The following CASR variants were observed in gnomAD, a reference collection of about 807,000 sequenced individuals.
The protein encoded by CASR is extracellular calcium-sensing receptor.
Under a neutral mutation model 69.1 loss-of-function variants are expected in CASR, and 23 were observed. That is an observed-to-expected ratio of 0.33 (90% CI 0.24 to 0.47). CASR has a LOEUF of 0.47. Among genes scored for constraint, CASR ranks in the 20% least tolerant of loss-of-function variants. CASR has a pLI of 1.00. For synonymous variants in CASR, 541 were observed against 544.7 expected (o/e 0.99, Z 0.10); for missense variants, 924 against 1,356.1 (o/e 0.68, Z 5.00).
At position 122,256,992 on chromosome 3, in the gene CASR, G is replaced by A. The variant is rs1013738974; in HGVS notation, c.186-89G>A. 10 of 1,080,736 alleles carry A rather than the reference G, an allele frequency of 9.3e-6. No individual in the cohort carries two copies. The East Asian group carries it at 9.5e-5, about 10-fold the overall frequency. 66.9% of individuals were successfully genotyped at this position (1,080,736 alleles called of 1,614,324 possible). A position where few individuals can be genotyped will look rare whatever the true frequency, so the allele number is the denominator to read the frequency against. ...TGAAGCCAGAGAGTAGTAACAGTTC[G>A]ATGATTCAAACCCAGCTTTGCCAGG... On this transcript the variant is annotated intron_variant, in intron 2 of 6. Coordinates refer to ENST00000639785, the MANE Select transcript of CASR (RefSeq NM_000388.4).
intron 1 of CASR, among the ~76,000 whole-genome samples, chr3:122,243,362 AG>A (rs780033954): frequency 1.2e-4 from 18 of 152,160 alleles, no homozygotes; most frequent in Non-Finnish European, 2.1e-4. Context: ...AATGGGTAAA[AG>A]ATCTGAATAG....
At chr3:122,211,695 G>A (rs1277179372) in intron 1 of CASR, among the ~76,000 whole-genome samples, 1 of 152,180 alleles carries the variant, frequency 6.6e-6, no homozygotes, top group Admixed American at 6.5e-5. Context: ...GTAACAGAGT[G>A]AGACCTTGTC....
chr3:122,276,187 G>A, intron 5 of CASR, 145 bp downstream of exon 5: 2 of 694,084 alleles, frequency 2.9e-6, no homozygotes, highest in African/African-American at 1.8e-5. Context: ...CAATCTTGGG[G>A]CTCCCTGTGA....
chr3:122,198,880 G>T (rs1424302632), intron 1 of CASR, among the ~76,000 whole-genome samples: 1 of 151,622 alleles, frequency 6.6e-6, no homozygotes, highest in Non-Finnish European at 1.5e-5. Context: ...ATTATAAAAT[G>T]GACACCTGTA....
intron 1 of CASR, among the ~76,000 whole-genome samples, chr3:122,225,335 A>G (rs933484455): frequency 2.6e-5 from 4 of 152,094 alleles, no homozygotes; most frequent in African/African-American, 9.7e-5. Context: ...ACAAAGGTCT[A>G]ATATCCAGAA....
chr3:122,217,888 C>T (rs897055738), intron 1 of CASR, among the ~76,000 whole-genome samples: 1 of 151,806 alleles, frequency 6.6e-6, no homozygotes, highest in African/African-American at 2.4e-5. Context: ...AGGCTCTATA[C>T]GTTAGAAAGA....
chr3:122,233,761 AC>A (rs1451022678), intron 1 of CASR, among the ~76,000 whole-genome samples: 1 of 152,164 alleles, frequency 6.6e-6, no homozygotes, highest in African/African-American at 2.4e-5. Flanking sequence ...CAGGAAGGTA[AC>A]CAGCTCCCGG....
At chr3:122,205,853 G>T (rs1427090842) in intron 1 of CASR, among the ~76,000 whole-genome samples, 2 of 151,528 alleles carry the variant, frequency 1.3e-5, no homozygotes, top group Non-Finnish European at 3.0e-5. Context: ...ATTTTTTTAT[G>T]ATTTCTTTTT....
intron 1 of CASR, among the ~76,000 whole-genome samples, chr3:122,226,982 C>A (rs1430003227): frequency 1.3e-5 from 2 of 152,086 alleles, no homozygotes; most frequent in Non-Finnish European, 2.9e-5. Flanking sequence ...TAACTAGATA[C>A]AGAGTGCCAA....
At chr3:122,220,734 G>A (rs540237258) in intron 1 of CASR, among the ~76,000 whole-genome samples, 2 of 152,308 alleles carry the variant, frequency 1.3e-5, no homozygotes, top group Non-Finnish European at 2.9e-5. Context: ...AGCACTTTGC[G>A]AGGCCGAGGT....
chr3:122,219,859 A>T (rs1047354088), intron 1 of CASR, among the ~76,000 whole-genome samples: 2 of 152,190 alleles, frequency 1.3e-5, no homozygotes, highest in Non-Finnish European at 2.9e-5. Flanking sequence ...ATTTAGTTTG[A>T]TCTAGAGTGT....
At chr3:122,201,815 A>G (rs2073956037) in intron 1 of CASR, among the ~76,000 whole-genome samples, 1 of 151,338 alleles carries the variant, frequency 6.6e-6, no homozygotes, top group African/African-American at 2.4e-5. Flanking sequence ...CACATCTCAG[A>G]CGATGGGCGG....
chr3:122,190,546 T>G (rs1184809141), intron 1 of CASR, among the ~76,000 whole-genome samples: 1 of 152,196 alleles, frequency 6.6e-6, no homozygotes, highest in Non-Finnish European at 1.5e-5. Context: ...CTGCAGTTAA[T>G]TAACACTACT....
chr3:122,251,201 C>T (rs1213518417), intron 1 of CASR, among the ~76,000 whole-genome samples: 1 of 152,116 alleles, frequency 6.6e-6, no homozygotes, highest in Non-Finnish European at 1.5e-5. Context: ...CAAGAGGCAC[C>T]ATATGACAAT....
intron 1 of CASR, among the ~76,000 whole-genome samples, chr3:122,223,244 T>C (rs1384212645): frequency 6.6e-6 from 1 of 151,664 alleles, no homozygotes; most frequent in Non-Finnish European, 1.5e-5. Flanking sequence ...GAAATTGAGA[T>C]GCGAAAATCC....
chr3:122,236,513 G>A (rs2074330508), intron 1 of CASR, among the ~76,000 whole-genome samples: 1 of 152,072 alleles, frequency 6.6e-6, no homozygotes, highest in African/African-American at 2.4e-5. Context: ...ATAAAATTCA[G>A]TTTGAACATT....
intron 1 of CASR, among the ~76,000 whole-genome samples, chr3:122,244,449 G>GAA (rs33998636): frequency 1.3e-5 from 2 of 151,872 alleles, no homozygotes; most frequent in African/African-American, 2.4e-5. Flanking sequence ...ACAATAATGA[G>GAA]AAAAAACAAA....
chr3:122,197,464 T>A (rs898534485), intron 1 of CASR, among the ~76,000 whole-genome samples: 1 of 152,242 alleles, frequency 6.6e-6, no homozygotes, highest in Non-Finnish European at 1.5e-5. Flanking sequence ...TTACAAGACC[T>A]TTGACCGATG....
chr3:122,199,376 C>G (rs979187738), intron 1 of CASR, among the ~76,000 whole-genome samples: 1 of 152,206 alleles, frequency 6.6e-6, no homozygotes, highest in Non-Finnish European at 1.5e-5. Context: ...TCAACCCTTC[C>G]TTAAACCTTC....
Sources: allele counts gnomAD v4.1 joint callset (sites outside exome capture counted in the v4.1 genomes callset), GRCh38; gene constraint gnomAD v4.1.1; transcripts MANE v1.5; gene names NCBI Gene and HGNC (gene_info 2026-07-23, HGNC 2026-07-21).